RALB: variants seen among roughly 807,000 people sequenced by gnomAD.
RALB encodes ras-related protein Ral-B.
RALB carries 16 observed loss-of-function variants against 21.3 expected under a neutral mutation model. That is an observed-to-expected ratio of 0.75 (90% CI 0.51 to 1.14). RALB has a LOEUF of 1.14. Among genes scored for constraint, RALB ranks in the 50% most tolerant of loss-of-function variants. The probability of loss-of-function intolerance (pLI) is 0.00; values close to 1 mark genes in which losing one functional copy is unlikely to be tolerated. For synonymous variants in RALB, 93 were observed against 96.1 expected (o/e 0.97, Z 0.19); for missense variants, 161 against 256.2 (o/e 0.63, Z 2.54).
At chr2:120,268,550 G>A (rs1689561570) in intron 1 of RALB, among the ~76,000 whole-genome samples, 1 of 152,190 alleles carries the variant, frequency 6.6e-6, no homozygotes, top group Non-Finnish European at 1.5e-5. Context: ...TGGAGTTGGG[G>A]GCAGAGGGCC....
At chr2:120,286,573 G>C (rs59890894) in intron 3 of RALB, among the ~76,000 whole-genome samples, 4,718 of 152,278 alleles carry the variant, frequency 0.031, 120 homozygotes, top group East Asian at 0.078. Flanking sequence ...ACGAGAACGC[G>C]GCTTTAGAGT....
chr2:120,240,837 G>C lies in RALB; in HGVS notation c.19+712G>C, dbSNP rs150276782. Among the ~76,000 whole-genome samples the C allele has an allele frequency of 2.9e-4, 44 of 152,320 alleles. No homozygotes were observed. In the East Asian group the frequency reaches 5.4e-3, roughly 19 times the overall value. ...GAGGTTGGCTTCTGGGCACCTGGGT[G>C]AGTGTGTGGGGACTTGGGGAGACAG... On this transcript the variant is annotated intron_variant, in intron 1 of 3. Transcript: ENST00000447591.
chr2:120,275,049 A>T (rs1465255861), intron 1 of RALB, among the ~76,000 whole-genome samples: 2 of 152,176 alleles, frequency 1.3e-5, no homozygotes, highest in Non-Finnish European at 1.5e-5. Flanking sequence ...ACCACTTTTC[A>T]TGTTACTTTA....
At chr2:120,276,083 A>G (rs1689785548) in intron 1 of RALB, among the ~76,000 whole-genome samples, 1 of 152,162 alleles carries the variant, frequency 6.6e-6, no homozygotes, top group African/African-American at 2.4e-5. Flanking sequence ...CCTCAGCCTG[A>G]GCTACTCTAT....
Position 120,293,398 on chromosome 2 carries a change from A to C in RALB, c.*138A>C. ...CACTCAAACTTCTTTAAATGGGGAA[A>C]AATATTTGTGACTCTGTGGCTGGCA... On this transcript the variant is annotated 3_prime_UTR_variant, in exon 5 of 5. Coordinates refer to ENST00000272519, the MANE Select transcript of RALB (RefSeq NM_002881.3). 1.0e-6 allele frequency: 1 copy of C among 958,214 alleles called. No homozygotes were observed. 59.4% of individuals were successfully genotyped at this position (958,214 alleles called of 1,614,324 possible).
At chr2:120,253,436 C>T in intron 1 of RALB, 2 of 985,636 alleles carry the variant, frequency 2.0e-6, no homozygotes, top group Non-Finnish European at 2.4e-6. Context: ...TAAAGGGCTT[C>T]GGTTTGCTGG....
At chr2:120,240,450 A>ATT (rs112411510) in intron 1 of RALB, among the ~76,000 whole-genome samples, 4 of 149,844 alleles carry the variant, frequency 2.7e-5, no homozygotes, top group African/African-American at 7.4e-5. Context: ...ACATCTGGCT[A>ATT]TTTTTTTTTC....
intron 2 of RALB, among the ~76,000 whole-genome samples, chr2:120,281,815 A>G (rs1225558466): frequency 6.6e-6 from 1 of 152,074 alleles, no homozygotes; most frequent in African/African-American, 2.4e-5. Flanking sequence ...GTTGGGGAAG[A>G]GAGGGGGTGG....
At chr2:120,266,550 A>G (rs977552836) in intron 1 of RALB, among the ~76,000 whole-genome samples, 1 of 151,848 alleles carries the variant, frequency 6.6e-6, no homozygotes, top group South Asian at 2.1e-4. Flanking sequence ...CCCTGCCAAA[A>G]TTTTTTTTAA....
rs549961775 is a variant in RALB, at chr2:120,289,040, C to T, written c.324-540C>T. On this transcript the variant is annotated intron_variant, in intron 3 of 4. Transcript: ENST00000272519. Reference sequence around the variant, plus strand: ...GTCAGTTCTGTTCTATAATCTATTTCACTGCAGGGGGGAGAAACTGCTGGT... The same window carrying T: ...GTCAGTTCTGTTCTATAATCTATTTTACTGCAGGGGGGAGAAACTGCTGGT... Among the ~76,000 whole-genome samples, 4 of 152,264 alleles carry T rather than the reference C, an allele frequency of 2.6e-5. No homozygotes were observed. In the East Asian group the frequency reaches 7.7e-4, roughly 29 times the overall value.
chr2:120,252,498 A>G (rs375954813), upstream of RALB, among the ~76,000 whole-genome samples: 216 of 152,332 alleles, frequency 1.4e-3, no homozygotes, highest in African/African-American at 5.0e-3. Context: ...ACTTCGTCCT[A>G]GCCCTGGCCT....
At chr2:120,279,102 C>T (rs1336107792) in intron 2 of RALB, among the ~76,000 whole-genome samples, 6 of 152,180 alleles carry the variant, frequency 3.9e-5, no homozygotes, top group African/African-American at 1.4e-4. Flanking sequence ...ACAACACAAG[C>T]ATTTAGCCTT....
chr2:120,244,320 G>C (rs531440337), intron 1 of RALB, among the ~76,000 whole-genome samples: 12 of 152,304 alleles, frequency 7.9e-5, no homozygotes, highest in Non-Finnish European at 2.9e-5. Context: ...GCCCGTCCCG[G>C]CTCTGCCGAG....
At chr2:120,258,999 C>T (rs940855558) in intron 1 of RALB, among the ~76,000 whole-genome samples, 1 of 151,966 alleles carries the variant, frequency 6.6e-6, no homozygotes, top group Non-Finnish European at 1.5e-5. Flanking sequence ...TGCAGACCTT[C>T]GCGGTGAGTG....
intron 1 of RALB, among the ~76,000 whole-genome samples, chr2:120,263,728 C>T (rs1689428267): frequency 6.6e-6 from 1 of 152,102 alleles, no homozygotes; most frequent in Non-Finnish European, 1.5e-5. Flanking sequence ...TGGGGTTTCA[C>T]CATGTTGCCC....
At chr2:120,260,846 G>T (rs1017191162) in intron 1 of RALB, among the ~76,000 whole-genome samples, 1 of 152,246 alleles carries the variant, frequency 6.6e-6, no homozygotes, top group Non-Finnish European at 1.5e-5. Context: ...AGCTAGCTAC[G>T]TGGAGTTTGT....
chr2:120,252,403 C>A (rs1201108830), upstream of RALB, among the ~76,000 whole-genome samples: 1 of 152,252 alleles, frequency 6.6e-6, no homozygotes, highest in Non-Finnish European at 1.5e-5. Flanking sequence ...GCATCCCCAT[C>A]GCCGCGCTCC....
chr2:120,272,140 T>C (rs780570424), intron 1 of RALB, among the ~76,000 whole-genome samples: 2 of 152,168 alleles, frequency 1.3e-5, no homozygotes, highest in East Asian at 3.9e-4. Flanking sequence ...TCCTGCCTTA[T>C]AAGAAGAGGA....
At chr2:120,255,904 T>C (rs1326407710) in intron 1 of RALB, among the ~76,000 whole-genome samples, 1 of 152,222 alleles carries the variant, frequency 6.6e-6, no homozygotes, top group Non-Finnish European at 1.5e-5. Flanking sequence ...TTTGTGGGCA[T>C]TTTTTATATA....
Sources: gnomAD v4.1 joint callset for allele counts (sites outside exome capture counted in the v4.1 genomes callset) on GRCh38, gnomAD v4.1.1 for gene constraint, MANE v1.5 for transcripts, NCBI Gene and HGNC (gene_info 2026-07-23, HGNC 2026-07-21) for gene names.